The following LIMD1 variants were observed in gnomAD, a reference collection of about 807,000 sequenced individuals.
The protein encoded by LIMD1 is LIM domain-containing protein 1.
LIMD1 carries 23 observed loss-of-function variants against 58.4 expected under a neutral mutation model. The observed-to-expected ratio is 0.39, with a 90% CI of 0.28 to 0.56. LIMD1 has a LOEUF of 0.56. Among genes scored for constraint, LIMD1 ranks in the 20% least tolerant of loss-of-function variants. The pLI, the probability that LIMD1 is intolerant of heterozygous loss-of-function variation, is 0.57. For synonymous variants in LIMD1, 334 were observed against 345.5 expected (o/e 0.97, Z 0.37); for missense variants, 838 against 855.5 (o/e 0.98, Z 0.25).
At chr3:45,645,775 C>G (rs1701898885) in intron 2 of LIMD1, among the ~76,000 whole-genome samples, 1 of 152,110 alleles carries the variant, frequency 6.6e-6, no homozygotes. Context: ...CTTCATGTGT[C>G]TCTCAGCTCT....
At chr3:45,644,851 C>T (rs186345714) in intron 2 of LIMD1, among the ~76,000 whole-genome samples, 10 of 152,182 alleles carry the variant, frequency 6.6e-5, no homozygotes, top group South Asian at 6.2e-4. Flanking sequence ...TGGCCACCCT[C>T]GAGTTGTGAG....
In LIMD1 at chr3:45,595,695, C is replaced by T. The variant is rs1339319134; in HGVS notation, c.816C>T (p.Ser272=). 1 of 1,614,048 alleles carries T rather than the reference C, an allele frequency of 6.2e-7. No individual in the cohort carries two copies. Among genetic ancestry groups the T allele is most frequent in the African/African-American group, 1.3e-5 (1 of 74,952 alleles). The stretch of plus-strand genomic sequence containing the variant: ...CCACTGCCTCCTCCCAGCGGGTGAG[C>T]CCTGGCCTGCCTTCCCCAAACTTGG... ...LWSTASSQRV[S]PGLPSPNLEN... is the part of the protein sequence containing the mutation. Residue 272 remains serine, a synonymous_variant, in exon 1 of 8, where the codon AGC becomes AGT. Transcript: ENST00000273317.
intron 2 of LIMD1, 116 bp downstream of exon 2, chr3:45,636,367 C>T: frequency 1.3e-6 from 1 of 760,404 alleles, no homozygotes. Flanking sequence ...CCTCCTCAGC[C>T]CCACAGAAAA....
intron 2 of LIMD1, among the ~76,000 whole-genome samples, chr3:45,645,322 A>T (rs572916147): frequency 5.9e-5 from 9 of 152,352 alleles, no homozygotes; most frequent in African/African-American, 2.2e-4. Context: ...GAAGTCCCTG[A>T]CAGGGAAGAC....
chr3:45,640,884 C>G (rs1256854634), intron 2 of LIMD1, among the ~76,000 whole-genome samples: 3 of 152,228 alleles, frequency 2.0e-5, no homozygotes, highest in Non-Finnish European at 4.4e-5. Flanking sequence ...GGGCTGCACA[C>G]CCTCCTGCTC....
At chr3:45,670,075 G>A (rs980064628) in intron 4 of LIMD1, among the ~76,000 whole-genome samples, 7 of 152,194 alleles carry the variant, frequency 4.6e-5, no homozygotes, top group South Asian at 2.1e-4. Flanking sequence ...CCTGGGAAAC[G>A]TGGCCCTTCC....
chr3:45,640,994 G>T (rs1425496549), intron 2 of LIMD1, among the ~76,000 whole-genome samples: 1 of 152,192 alleles, frequency 6.6e-6, no homozygotes, highest in Non-Finnish European at 1.5e-5. Flanking sequence ...GAGGTGACTT[G>T]TCTTTTTTCA....
At chr3:45,623,319 G>A (rs1038564430) in intron 1 of LIMD1, among the ~76,000 whole-genome samples, 1 of 152,332 alleles carries the variant, frequency 6.6e-6, no homozygotes, top group Admixed American at 6.5e-5. Context: ...GGGCTGCCCT[G>A]GCGATAGCTG....
At position 45,632,386 on chromosome 3, in the gene LIMD1, A is replaced by G. The variant is rs370690110; in HGVS notation, c.1409-3764A>G. Reference sequence around the variant, plus strand: ...TGAATTATGTCATCGCCAGTTCCCAATAGATGTCCATAGAACCCATTTCTC... The same window carrying G: ...TGAATTATGTCATCGCCAGTTCCCAGTAGATGTCCATAGAACCCATTTCTC... On this transcript the variant is annotated intron_variant, in intron 1 of 7. Transcript: ENST00000273317. The G allele has an allele frequency of 2.0e-4, 53 of 270,402 alleles. No homozygotes were observed. The South Asian group carries it at 5.7e-3, about 29-fold the overall frequency. The allele number at this position is 270,402 out of a possible 1,614,324, so 16.8% of individuals were successfully genotyped here. A position where few individuals can be genotyped will look rare whatever the true frequency, so the allele number is the denominator to read the frequency against.
At chr3:45,641,730 C>A (rs1370181705) in intron 2 of LIMD1, among the ~76,000 whole-genome samples, 1 of 152,134 alleles carries the variant, frequency 6.6e-6, no homozygotes, top group Non-Finnish European at 1.5e-5. Context: ...CTTACATAGG[C>A]AGGCAACACA....
At chr3:45,645,247 T>C (rs75850230) in intron 2 of LIMD1, among the ~76,000 whole-genome samples, 222 of 152,326 alleles carry the variant, frequency 1.5e-3, no homozygotes, top group African/African-American at 5.0e-3. Context: ...GTTCTGCTAG[T>C]GCACTGGAGT....
intron 2 of LIMD1, among the ~76,000 whole-genome samples, chr3:45,644,776 C>T (rs1239075702): frequency 1.3e-5 from 2 of 151,872 alleles, no homozygotes; most frequent in Admixed American, 6.6e-5. Context: ...AGCCATGGGG[C>T]CTTGCCTTGA....
Position 45,627,144 on chromosome 3 carries a change from G to A in LIMD1, c.1409-9006G>A, listed in dbSNP as rs141665796. 5.0e-3 allele frequency among the ~76,000 whole-genome samples: 759 copies of A among 152,186 alleles called. 4 individuals carry two copies. The highest frequency in any genetic ancestry group is 8.2e-3 in the Non-Finnish European group (557 of 68,012). On this transcript the variant is annotated intron_variant, in intron 1 of 7. Transcript: ENST00000273317. ...AAGGGCCACATTTCTCTGTGCGTAG[G>A]GGTGGGCTTGGCCTTCATCTCCTAG...
At chr3:45,644,751 C>T (rs1296044620) in intron 2 of LIMD1, among the ~76,000 whole-genome samples, 1 of 152,176 alleles carries the variant, frequency 6.6e-6, no homozygotes, top group African/African-American at 2.4e-5. Context: ...TTGCCAAAGA[C>T]AGGAGCCGGG....
intron 2 of LIMD1, among the ~76,000 whole-genome samples, chr3:45,637,501 G>A (rs1410120045): frequency 3.3e-5 from 5 of 152,072 alleles, no homozygotes; most frequent in African/African-American, 7.2e-5. Flanking sequence ...GGATTGTCTC[G>A]ATCTCTTGAC....
At chr3:45,613,147 C>T (rs1387557075) in intron 1 of LIMD1, among the ~76,000 whole-genome samples, 2 of 152,114 alleles carry the variant, frequency 1.3e-5, no homozygotes, top group Non-Finnish European at 2.9e-5. Context: ...TGCTTTACAA[C>T]GAGAATATGT....
chr3:45,621,745 C>T (rs961185557), intron 1 of LIMD1, among the ~76,000 whole-genome samples: 1 of 152,180 alleles, frequency 6.6e-6, no homozygotes, highest in African/African-American at 2.4e-5. Flanking sequence ...GTATACTTCA[C>T]ATTACCGTAA....
intron 2 of LIMD1, among the ~76,000 whole-genome samples, chr3:45,647,183 T>G (rs1356273812): frequency 6.6e-6 from 1 of 152,248 alleles, no homozygotes; most frequent in African/African-American, 2.4e-5. Context: ...AGTGTATGTT[T>G]GCTTTTATGC....
intron 1 of LIMD1, among the ~76,000 whole-genome samples, chr3:45,601,973 C>A (rs1425918759): frequency 4.7e-5 from 7 of 148,816 alleles, no homozygotes; most frequent in Non-Finnish European, 8.9e-5. Context: ...GACAGAGTCT[C>A]GCTCTGTCGC....
Sources: gnomAD v4.1 joint callset for allele counts (sites outside exome capture counted in the v4.1 genomes callset) on GRCh38, gnomAD v4.1.1 for gene constraint, MANE v1.5 for transcripts, NCBI Gene and HGNC (gene_info 2026-07-23, HGNC 2026-07-21) for gene names.